The following ARHGEF28 variants were observed in gnomAD, a reference collection of about 807,000 sequenced individuals.
ARHGEF28 encodes the protein Rho guanine nucleotide exchange factor 28.
In ARHGEF28, 152 loss-of-function variants were observed where a neutral mutation model predicts 206.6. The observed-to-expected ratio is 0.74, with a 90% CI of 0.64 to 0.84. The LOEUF (loss-of-function observed/expected upper bound fraction) is 0.84, where lower values mean the gene tolerates loss of function less well. Among genes scored for constraint, ARHGEF28 ranks in the 40% least tolerant of loss-of-function variants. The probability of loss-of-function intolerance (pLI) is 0.00; values close to 1 mark genes in which losing one functional copy is unlikely to be tolerated. For missense variants in ARHGEF28, 2,028 were observed against 2,073.2 expected, an observed-to-expected ratio of 0.98 and a Z score of 0.42; for synonymous variants, 763 against 776.4, an observed-to-expected ratio of 0.98 and a Z score of 0.29.
In ARHGEF28 at chr5:73,839,197, A is replaced by G. The variant is rs575705923; in HGVS notation, c.1147-1283A>G. On this transcript the variant is annotated intron_variant, in intron 10 of 35. Coordinates refer to ENST00000513042, the MANE Select transcript of ARHGEF28 (RefSeq NM_001177693.2). The stretch of plus-strand genomic sequence containing the variant: ...AATCTGTCCCATTACTGGTGATTTT[A>G]TTAATATCTTTCATCTGCCAAGTTC... Among the ~76,000 whole-genome samples the G allele has an allele frequency of 2.6e-5, 4 of 152,294 alleles. No individual in the cohort carries two copies. In the South Asian group the frequency reaches 6.2e-4, roughly 24 times the overall value.
intron 1 of ARHGEF28, among the ~76,000 whole-genome samples, chr5:73,674,593 G>T (rs1746539899): frequency 6.6e-6 from 1 of 152,178 alleles, no homozygotes; most frequent in African/African-American, 2.4e-5. Flanking sequence ...CCCAAATGAT[G>T]TATTTTTTAT....
intron 15 of ARHGEF28, 78 bp downstream of exon 15, chr5:73,857,857 C>T: frequency 6.7e-7 from 1 of 1,484,024 alleles, no homozygotes; most frequent in Non-Finnish European, 9.0e-7. Context: ...TTTCCACTTT[C>T]CCTTTGAAAT....
intron 2 of ARHGEF28, among the ~76,000 whole-genome samples, chr5:73,744,278 G>A (rs551010415): frequency 1.3e-5 from 2 of 152,046 alleles, no homozygotes; most frequent in African/African-American, 2.4e-5. Context: ...TTGTGCCCAC[G>A]GTGCTTCCTT....
chr5:73,719,532 A>C lies in ARHGEF28; in HGVS notation c.34-30305A>C, dbSNP rs181646703. Among the ~76,000 whole-genome samples the C allele has an allele frequency of 1.5e-3, 226 of 152,294 alleles. 4 individuals are homozygous for C. Among genetic ancestry groups the C allele is most frequent in the African/African-American group, 5.1e-3 (214 of 41,568 alleles). On this transcript the variant is annotated intron_variant, in intron 2 of 35. Coordinates refer to ENST00000513042, the MANE Select transcript of ARHGEF28 (RefSeq NM_001177693.2). ...CATACTTGGGATTTCAGAAACTGAC[A>C]TTTCTCTTTTCCTTTCTGCAGCAAC... is the stretch of plus-strand genomic sequence containing the variant.
rs761786704 is a variant in ARHGEF28 at position 73,886,138 on chromosome 5, C to T, written c.3310+34C>T. 4.4e-6 allele frequency: 7 copies of T among 1,574,028 alleles called. 1 individual carries two copies. The highest frequency in any genetic ancestry group is 2.7e-5 in the African/African-American group (2 of 72,976). Reference sequence around the variant, plus strand: ...GCTCTACCAGACCAATTTCTCCCTTCATACACATTATTCATTTAACAGAGG... The same window carrying T: ...GCTCTACCAGACCAATTTCTCCCTTTATACACATTATTCATTTAACAGAGG... On this transcript the variant is annotated intron_variant, in intron 25 of 35. Transcript: ENST00000513042.
chr5:73,811,961 C>A (rs531653108), intron 9 of ARHGEF28, among the ~76,000 whole-genome samples: 2 of 133,030 alleles, frequency 1.5e-5, no homozygotes, highest in African/African-American at 5.9e-5. Context: ...CCAGCCTAGG[C>A]GACAGAGTGA....
In ARHGEF28 at chr5:73,918,896, G is replaced by GC. The variant is rs895639130; in HGVS notation, c.4948+7323dup. 3.2e-4 allele frequency among the ~76,000 whole-genome samples: 48 copies of GC among 152,198 alleles called. 1 individual carries two copies. Among genetic ancestry groups the GC allele is most frequent in the Non-Finnish European group, 5.9e-4 (40 of 68,042 alleles). On this transcript the variant is annotated intron_variant, in intron 35 of 35. Coordinates refer to ENST00000513042, the MANE Select transcript of ARHGEF28 (RefSeq NM_001177693.2). ...TGATTTGAATCAGGGCTTGGCTGGA[G>GC]CCTGCAAACTTGTGTATCTAACATT...
intron 5 of ARHGEF28, among the ~76,000 whole-genome samples, chr5:73,775,881 GTCTT>G (rs1753513091): frequency 5.4e-5 from 2 of 37,340 alleles, no homozygotes; most frequent in Non-Finnish European, 9.3e-5. Context: ...GTATATTCAA[GTCTT>G]GAATATACAT....
chr5:73,673,380 G>A (rs1327180102), intron 1 of ARHGEF28, among the ~76,000 whole-genome samples: 1 of 152,168 alleles, frequency 6.6e-6, no homozygotes. Flanking sequence ...AATAGTTGTT[G>A]CTCTGTCCTT....
At chr5:73,762,221 TGAGGTGGGTG>T (rs914171554) in intron 4 of ARHGEF28, among the ~76,000 whole-genome samples, 5 of 151,776 alleles carry the variant, frequency 3.3e-5, no homozygotes, top group African/African-American at 1.2e-4. Context: ...TTTGGGAGGC[TGAGGTGGGTG>T]GATCACTTGA....
chr5:73,861,166 C>A (rs1163564729), intron 16 of ARHGEF28, among the ~76,000 whole-genome samples: 4 of 150,662 alleles, frequency 2.7e-5, no homozygotes, highest in Non-Finnish European at 4.4e-5. Flanking sequence ...CGTGTAGGTC[C>A]CGAGTCACTC....
chr5:73,648,464 A>G (rs1465348207), intron 1 of ARHGEF28, among the ~76,000 whole-genome samples: 1 of 152,210 alleles, frequency 6.6e-6, no homozygotes, highest in African/African-American at 2.4e-5. Context: ...GAGGCAGAGG[A>G]TAATATTTTA....
intron 1 of ARHGEF28, among the ~76,000 whole-genome samples, chr5:73,645,171 G>GTTGTTTGT (rs202015873): frequency 6.6e-6 from 1 of 151,908 alleles, no homozygotes; most frequent in Non-Finnish European, 1.5e-5. Flanking sequence ...AAATTATTAA[G>GTTGTTTGT]TTGTTTGTTT....
chr5:73,902,300 C>T (rs1273945913), intron 31 of ARHGEF28: 1 of 152,066 alleles, frequency 6.6e-6, no homozygotes, highest in Non-Finnish European at 1.5e-5. Flanking sequence ...TTAAAATGTT[C>T]CTGCTTTTCA....
At chr5:73,784,426 TGGCCAAA>T (rs1187671677) in intron 7 of ARHGEF28, among the ~76,000 whole-genome samples, 1 of 152,152 alleles carries the variant, frequency 6.6e-6, no homozygotes, top group Non-Finnish European at 1.5e-5. Flanking sequence ...TTCAAATGAA[TGGCCAAA>T]AAGTCTTCTT....
intron 4 of ARHGEF28, among the ~76,000 whole-genome samples, chr5:73,754,546 T>C (rs1752199872): frequency 6.6e-6 from 1 of 152,208 alleles, no homozygotes; most frequent in Admixed American, 6.5e-5. Context: ...GCAGTGATGA[T>C]ACTTGAAAGG....
chr5:73,937,765 G>GT (rs1336737161), intron 35 of ARHGEF28, among the ~76,000 whole-genome samples: 9 of 152,246 alleles, frequency 5.9e-5, no homozygotes, highest in African/African-American at 9.6e-5. Flanking sequence ...ATTAACAAAT[G>GT]TTTTTTCAGT....
intron 14 of ARHGEF28, among the ~76,000 whole-genome samples, chr5:73,857,186 CT>C: frequency 6.6e-6 from 1 of 152,228 alleles, no homozygotes; most frequent in East Asian, 1.9e-4. Context: ...CACGTGTCTA[CT>C]GAGTATTATC....
intron 1 of ARHGEF28, among the ~76,000 whole-genome samples, chr5:73,636,929 C>A (rs1337627763): frequency 6.6e-6 from 1 of 152,132 alleles, no homozygotes; most frequent in African/African-American, 2.4e-5. Context: ...CTGGCAACAT[C>A]TAGATTGTTC....
Sources: gnomAD v4.1 joint callset for allele counts (sites outside exome capture counted in the v4.1 genomes callset) on GRCh38, gnomAD v4.1.1 for gene constraint, MANE v1.5 for transcripts, NCBI Gene and HGNC (gene_info 2026-07-23, HGNC 2026-07-21) for gene names.